The following KCNB2 variants were observed in gnomAD, a reference collection of about 807,000 sequenced individuals.
KCNB2 encodes the protein potassium voltage-gated channel subfamily B member 2.
KCNB2 carries 15 observed loss-of-function variants against 61.5 expected under a neutral mutation model. The observed-to-expected ratio is 0.24, with a 90% CI of 0.16 to 0.38. The LOEUF is 0.38. KCNB2 is among the 10% of genes least tolerant of loss of function. KCNB2 has a pLI of 1.00. For synonymous variants in KCNB2, 457 were observed against 446.0 expected, an observed-to-expected ratio of 1.02 and a Z score of -0.31; for missense variants, 828 against 1,125.2, an observed-to-expected ratio of 0.74 and a Z score of 3.78.
chr8:72,767,076 C>A (rs1002317570), intron 2 of KCNB2, among the ~76,000 whole-genome samples: 1 of 152,104 alleles, frequency 6.6e-6, no homozygotes, highest in Admixed American at 6.5e-5. Context: ...ATGGGAAAAA[C>A]CAGCACCCAT....
Position 72,916,942 on chromosome 8 carries a change from C to T in KCNB2, c.580-18993C>T, listed in dbSNP as rs2929570. On this transcript the variant is annotated intron_variant, in intron 2 of 2. Coordinates refer to ENST00000523207, the MANE Select transcript of KCNB2 (RefSeq NM_004770.3). ...TGAGCCTGGCATTTTTATGGGCACA[C>T]GATGGGAGATGGGGCAGACCATGGG... Among the ~76,000 whole-genome samples the T allele has an allele frequency of 5.3e-5, 8 of 151,992 alleles. No individual in the cohort carries two copies. In the South Asian group the frequency reaches 1.0e-3, roughly 20 times the overall value.
chr8:72,542,168 C>T (rs1322680752), intron 1 of KCNB2, among the ~76,000 whole-genome samples: 3 of 152,042 alleles, frequency 2.0e-5, no homozygotes, highest in Non-Finnish European at 4.4e-5. Context: ...ATAGCTACAA[C>T]TTCTGTTTAT....
At chr8:72,633,841 G>A (rs1346970360) in intron 2 of KCNB2, among the ~76,000 whole-genome samples, 1 of 152,112 alleles carries the variant, frequency 6.6e-6, no homozygotes, top group Non-Finnish European at 1.5e-5. Context: ...TACATCAACT[G>A]TGATATAAAC....
At chr8:72,621,480 T>C (rs1805712199) in intron 2 of KCNB2, among the ~76,000 whole-genome samples, 1 of 152,244 alleles carries the variant, frequency 6.6e-6, no homozygotes, top group South Asian at 2.1e-4. Context: ...TTTTATACCA[T>C]AGTAATGACA....
At chr8:72,785,059 G>A (rs1472933941) in intron 2 of KCNB2, among the ~76,000 whole-genome samples, 1 of 152,038 alleles carries the variant, frequency 6.6e-6, no homozygotes, top group Non-Finnish European at 1.5e-5. Context: ...ATAATCTAAT[G>A]TCTCAATTTA....
intron 2 of KCNB2, among the ~76,000 whole-genome samples, chr8:72,678,867 A>G (rs1463476022): frequency 6.6e-6 from 1 of 152,176 alleles, no homozygotes; most frequent in African/African-American, 2.4e-5. Flanking sequence ...ATCCTGCCCA[A>G]CTATGCACCT....
intron 2 of KCNB2, among the ~76,000 whole-genome samples, chr8:72,639,505 G>T (rs183437087): frequency 4.6e-5 from 7 of 152,148 alleles, no homozygotes; most frequent in Admixed American, 2.6e-4. Context: ...GCCCAACAGG[G>T]CCTCCTTAAT....
At position 72,567,897 on chromosome 8, in the gene KCNB2, A is replaced by G. The variant is rs1239167124; in HGVS notation, c.163A>G (p.Arg55Gly). ...NHEVLWRTLD[R>G]LPRTRLGKLR... ...CGAAGTCCTGTGGAGAACGCTGGAC[A>G]GGCTGCCCAGGACGCGCCTGGGGAA... The change falls in exon 2 of 3, where the codon AGG becomes GGG. Residue 55 changes from arginine to glycine, a missense_variant. Arg to Gly is a moderately radical substitution (Grantham distance 125). Around this residue, in one of 4 missense-constraint regions of KCNB2, gnomAD observed 163 missense variants for 314.4 expected, o/e 0.52. Coordinates refer to ENST00000523207, the MANE Select transcript of KCNB2 (RefSeq NM_004770.3). 6.2e-7 allele frequency: 1 copy of G among 1,613,946 alleles called. No homozygotes were observed. The highest frequency in any genetic ancestry group is 8.5e-7 in the Non-Finnish European group (1 of 1,179,992).
intron 2 of KCNB2, among the ~76,000 whole-genome samples, chr8:72,851,840 A>AAAAAAAAAAAAAAACAAAAC (rs1554538995): frequency 1.5e-5 from 2 of 134,462 alleles, no homozygotes; most frequent in African/African-American, 3.0e-5. Flanking sequence ...AAAAAAAAAA[A>AAAAAAAAAAAAAAACAAAAC]AAAAAAAACA....
intron 2 of KCNB2, among the ~76,000 whole-genome samples, chr8:72,653,918 G>C (rs2128986657): frequency 6.6e-6 from 1 of 152,248 alleles, no homozygotes; most frequent in South Asian, 2.1e-4. Flanking sequence ...AAGATATCTG[G>C]GTTCTTTTTT....
intron 2 of KCNB2, among the ~76,000 whole-genome samples, chr8:72,835,991 C>T (rs902939059): frequency 6.6e-5 from 10 of 152,168 alleles, no homozygotes; most frequent in Admixed American, 2.0e-4. Flanking sequence ...TTTAACATTT[C>T]GTCCTTTACT....
chr8:72,885,107 A>G (rs1018404122), intron 2 of KCNB2, among the ~76,000 whole-genome samples: 2 of 152,146 alleles, frequency 1.3e-5, no homozygotes, highest in Non-Finnish European at 2.9e-5. Context: ...ATGATCATAT[A>G]TGGTTTATGA....
intron 2 of KCNB2, among the ~76,000 whole-genome samples, chr8:72,596,531 G>A (rs922061757): frequency 2.0e-5 from 3 of 152,150 alleles, no homozygotes; most frequent in Non-Finnish European, 2.9e-5. Context: ...TGACACGTAT[G>A]AAACAATGAA....
chr8:72,686,218 A>G (rs1027791982), intron 2 of KCNB2, among the ~76,000 whole-genome samples: 2 of 152,176 alleles, frequency 1.3e-5, no homozygotes, highest in African/African-American at 4.8e-5. Flanking sequence ...ACACAGAAAG[A>G]CATACTCTAT....
At chr8:72,920,048 G>T (rs538790430) in intron 2 of KCNB2, among the ~76,000 whole-genome samples, 1 of 152,168 alleles carries the variant, frequency 6.6e-6, no homozygotes, top group East Asian at 1.9e-4. Context: ...AATCCAAAAT[G>T]TGACCTATAA....
At chr8:72,725,591 G>GTATATATATA (rs60157669) in intron 2 of KCNB2, among the ~76,000 whole-genome samples, 8 of 51,942 alleles carry the variant, frequency 1.5e-4, no homozygotes, top group South Asian at 5.3e-4. Flanking sequence ...ATATATGTAT[G>GTATATATATA]TATATATATA....
chr8:72,551,357 A>C lies in KCNB2; in HGVS notation c.-94+13472A>C, dbSNP rs189309576. 2.2e-4 allele frequency among the ~76,000 whole-genome samples: 34 copies of C among 152,076 alleles called. 1 individual carries two copies. The East Asian group carries it at 4.6e-3, about 21-fold the overall frequency. ...TTGGGGGCTACCATATTCCTCCTTC[A>C]TTTCCCAAAGCATCACTAGTAGAAA... On this transcript the variant is annotated intron_variant, in intron 1 of 2. Coordinates refer to ENST00000523207, the MANE Select transcript of KCNB2 (RefSeq NM_004770.3).
At chr8:72,893,544 T>A (rs1805935814) in intron 2 of KCNB2, among the ~76,000 whole-genome samples, 1 of 152,224 alleles carries the variant, frequency 6.6e-6, no homozygotes, top group Admixed American at 6.5e-5. Flanking sequence ...TATTTTTATA[T>A]GTGCATCACC....
rs1293395628 is a variant in KCNB2, at chr8:72,937,364, C to T, written c.2009C>T (p.Ala670Val). Residue 670 changes from alanine to valine, a missense_variant, in exon 3 of 3, where the codon GCC becomes GTC. By Grantham distance (64) the Ala-to-Val change is moderately conservative. Transcript: ENST00000523207. ...PAARDGTLEY[A>V]PVDITVNLDA... ...GCCAGGGATGGCACGCTGGAGTATGCCCCAGTTGACATAACTGTGAACCTC... is the reference window on the plus strand; with the variant it reads ...GCCAGGGATGGCACGCTGGAGTATGTCCCAGTTGACATAACTGTGAACCTC... 6.2e-7 allele frequency: 1 copy of T among 1,613,884 alleles called. No individual in the cohort carries two copies. Among genetic ancestry groups the T allele is most frequent in the South Asian group, 1.1e-5 (1 of 91,066 alleles).
Sources: gnomAD v4.1 joint callset for allele counts (sites outside exome capture counted in the v4.1 genomes callset) on GRCh38, gnomAD v4.1.1 for gene constraint, gnomAD v4.1.1 regional missense constraint, MANE v1.5 for transcripts, NCBI Gene and HGNC (gene_info 2026-07-23, HGNC 2026-07-21) for gene names.